Variants in DDX10 observed in about 807,000 individuals in gnomAD.
DDX10 encodes the protein probable ATP-dependent RNA helicase DDX10.
DDX10 carries 74 observed loss-of-function variants against 104.3 expected under a neutral mutation model. The observed-to-expected ratio is 0.71, with a 90% confidence interval of 0.59 to 0.86. DDX10 has a LOEUF of 0.86. Ranked by LOEUF, DDX10 falls within the 40% of genes least tolerant of loss-of-function variation. DDX10 has a pLI of 0.00. For missense variants in DDX10, 952 were observed against 1,040.0 expected (o/e 0.92, Z 1.16); for synonymous variants, 351 against 353.4 (o/e 0.99, Z 0.08).
chr11:108,796,895 G>C (rs770511928), intron 13 of DDX10, among the ~76,000 whole-genome samples: 10 of 152,172 alleles, frequency 6.6e-5, no homozygotes, highest in Non-Finnish European at 1.0e-4. Context: ...TGTTTCGTAT[G>C]TGTGATGCCT....
intron 13 of DDX10, among the ~76,000 whole-genome samples, chr11:108,756,308 A>G (rs997736609): frequency 6.6e-6 from 1 of 152,070 alleles, no homozygotes; most frequent in African/African-American, 2.4e-5. Context: ...AGAATTTACT[A>G]GTGCTGTGAG....
Position 108,678,320 on chromosome 11 carries a change from A to C in DDX10, c.543A>C (p.Leu181=), listed in dbSNP as rs1437308813. The change falls in exon 5 of 18, where the codon CTA becomes CTC. Residue 181 remains leucine (L), a synonymous_variant. Coordinates refer to ENST00000322536, the MANE Select transcript of DDX10 (RefSeq NM_004398.4). The stretch of plus-strand genomic sequence containing the variant: ...AAATAAATAACTGTTTTCAGGATCT[A>C]AAACACGAAGCTGAGAGGATCAACA... ...SAGLIIGGKD[L]KHEAERINNI... 1 of 1,607,954 alleles carries C rather than the reference A, an allele frequency of 6.2e-7. No homozygotes were observed. The highest frequency in any genetic ancestry group is 1.3e-5 in the African/African-American group (1 of 74,734).
At chr11:108,937,203 T>G (rs557443548) in intron 17 of DDX10, among the ~76,000 whole-genome samples, 1 of 152,268 alleles carries the variant, frequency 6.6e-6, no homozygotes, top group South Asian at 2.1e-4. Flanking sequence ...GTGAGGGCCG[T>G]GCTTGAGGAG....
At chr11:108,875,623 G>A (rs1373733072) in intron 16 of DDX10, among the ~76,000 whole-genome samples, 1 of 152,168 alleles carries the variant, frequency 6.6e-6, no homozygotes, top group Admixed American at 6.5e-5. Flanking sequence ...CAAATGACCA[G>A]GTGTCCAGGA....
At chr11:108,710,340 G>A (rs1391388422) in intron 10 of DDX10, among the ~76,000 whole-genome samples, 1 of 151,860 alleles carries the variant, frequency 6.6e-6, no homozygotes, top group Non-Finnish European at 1.5e-5. Flanking sequence ...TGATTCTTTT[G>A]TAATTACACT....
chr11:108,701,593 CAGCTAAT>C (rs202147719), intron 9 of DDX10, among the ~76,000 whole-genome samples: 4,776 of 150,864 alleles, frequency 0.032, 122 homozygotes, highest in Middle Eastern at 0.08. Flanking sequence ...TAAAGTTATA[CAGCTAAT>C]AGCTAATAGT....
At chr11:108,846,633 C>T (rs1420783641) in intron 15 of DDX10, among the ~76,000 whole-genome samples, 1 of 152,180 alleles carries the variant, frequency 6.6e-6, no homozygotes, top group African/African-American at 2.4e-5. Context: ...GAATAGTATT[C>T]CATTGTACAT....
At chr11:108,779,628 C>G (rs1239117364) in intron 13 of DDX10, among the ~76,000 whole-genome samples, 1 of 152,024 alleles carries the variant, frequency 6.6e-6, no homozygotes, top group South Asian at 2.1e-4. Context: ...TGTAACAAAC[C>G]TGCACGTTGT....
intron 13 of DDX10, among the ~76,000 whole-genome samples, chr11:108,757,610 A>G (rs2094345980): frequency 6.6e-6 from 1 of 152,010 alleles, no homozygotes; most frequent in Admixed American, 6.6e-5. Context: ...GCTTTTTTCC[A>G]TAGTCTTGTG....
intron 13 of DDX10, among the ~76,000 whole-genome samples, chr11:108,766,719 T>C (rs2094356824): frequency 6.6e-6 from 1 of 152,218 alleles, no homozygotes; most frequent in South Asian, 2.1e-4. Flanking sequence ...CTATGTCATA[T>C]TAGGAAGGGT....
intron 17 of DDX10, chr11:108,929,795 A>C (rs1863953447): frequency 6.6e-6 from 1 of 152,220 alleles, no homozygotes; most frequent in Non-Finnish European, 1.5e-5. Context: ...CAATTTAATT[A>C]AGTTATAATG....
intron 13 of DDX10, among the ~76,000 whole-genome samples, chr11:108,791,627 C>G (rs1027132234): frequency 2.0e-5 from 3 of 152,128 alleles, no homozygotes; most frequent in Admixed American, 1.3e-4. Context: ...CTGTCACCAT[C>G]CTCAGCCCCT....
intron 17 of DDX10, among the ~76,000 whole-genome samples, chr11:108,939,437 G>A (rs777460490): frequency 6.6e-5 from 10 of 152,292 alleles, no homozygotes; most frequent in South Asian, 2.1e-4. Context: ...GGTATTTAGC[G>A]CAGTGCCACA....
intron 13 of DDX10, among the ~76,000 whole-genome samples, chr11:108,758,494 C>T (rs2094347075): frequency 6.6e-6 from 1 of 152,066 alleles, no homozygotes; most frequent in African/African-American, 2.4e-5. Flanking sequence ...TAAAGCAACA[C>T]AAAGTTATCT....
At chr11:108,797,679 G>T (rs1861964064) in intron 13 of DDX10, among the ~76,000 whole-genome samples, 1 of 152,184 alleles carries the variant, frequency 6.6e-6, no homozygotes, top group Non-Finnish European at 1.5e-5. Context: ...TATCACAGCA[G>T]CTAAATTTCC....
chr11:108,926,865 A>G (rs925767873), intron 17 of DDX10, among the ~76,000 whole-genome samples: 7 of 152,250 alleles, frequency 4.6e-5, no homozygotes, highest in Non-Finnish European at 1.0e-4. Context: ...TCACAAGCTC[A>G]TGTATTAGGT....
chr11:108,857,638 T>A (rs1862888499), intron 16 of DDX10, among the ~76,000 whole-genome samples: 1 of 152,242 alleles, frequency 6.6e-6, no homozygotes, highest in Admixed American at 6.5e-5. Context: ...AGTGCTGAGG[T>A]CACTCATATT....
intron 3 of DDX10, 69 bp downstream of exon 3, chr11:108,675,795 A>G (rs1414975667): frequency 9.0e-6 from 14 of 1,559,230 alleles, no homozygotes; most frequent in African/African-American, 2.7e-5. Context: ...CCAGATGCAG[A>G]TTATATAAAG....
intron 12 of DDX10, 118 bp downstream of exon 12, chr11:108,720,003 A>C (rs2094296309): frequency 1.5e-6 from 1 of 686,624 alleles, no homozygotes; most frequent in Non-Finnish European, 2.6e-6. Context: ...CCTGTGCTCC[A>C]GCAGTCCACC....
Sources: gnomAD v4.1 joint callset for allele counts (sites outside exome capture counted in the v4.1 genomes callset) on GRCh38, gnomAD v4.1.1 for gene constraint, MANE v1.5 for transcripts, NCBI Gene and HGNC (gene_info 2026-07-23, HGNC 2026-07-21) for gene names.